DLGAP2: variants seen among roughly 807,000 people sequenced by gnomAD.
The protein encoded by DLGAP2 is disks large-associated protein 2.
Under a neutral mutation model 100.3 loss-of-function variants are expected in DLGAP2, and 26 were observed. The observed-to-expected ratio is 0.26, with a 90% confidence interval of 0.19 to 0.36. The LOEUF (loss-of-function observed/expected upper bound fraction) is 0.36, where lower values mean the gene tolerates loss of function less well. DLGAP2 is among the 10% of genes least tolerant of loss of function. The pLI, the probability that DLGAP2 is intolerant of heterozygous loss-of-function variation, is 1.00. For missense variants in DLGAP2, 1,858 were observed against 1,453.2 expected (o/e 1.28, Z -4.53); for synonymous variants, 886 against 630.1 (o/e 1.41, Z -6.08).
At chr8:1,489,736 G>C (rs1584949827) in intron 3 of DLGAP2, among the ~76,000 whole-genome samples, 1 of 152,180 alleles carries the variant, frequency 6.6e-6, no homozygotes, top group Admixed American at 6.5e-5. Context: ...AGCAAACTCA[G>C]ATCACAAACC....
chr8:1,111,109 G>A lies in DLGAP2; in HGVS notation c.74-147742G>A, dbSNP rs145514694. Among the ~76,000 whole-genome samples the A allele has an allele frequency of 5.2e-3, 791 of 152,272 alleles. 8 individuals carry two copies. The highest frequency in any genetic ancestry group is 0.017 in the African/African-American group (706 of 41,530). On this transcript the variant is annotated intron_variant, in intron 2 of 14. Coordinates refer to ENST00000637795, the MANE Select transcript of DLGAP2 (RefSeq NM_001346810.2). ...CTGCTTTCTGCCCGGGCCTTCCTCC[G>A]CCTTACCAAGCCCAGAACATCACTG...
intron 2 of DLGAP2, among the ~76,000 whole-genome samples, chr8:1,179,109 C>T (rs180922068): frequency 1.3e-5 from 2 of 152,296 alleles, no homozygotes; most frequent in Admixed American, 6.5e-5. Context: ...CTTTTCTACA[C>T]CTGTTTACGA....
chr8:873,243 A>G lies in DLGAP2; in HGVS notation c.19-34669A>G, dbSNP rs141079442. Among the ~76,000 whole-genome samples, 1,179 of 152,344 alleles carry G rather than the reference A, an allele frequency of 7.7e-3. 18 individuals carry two copies. The highest frequency in any genetic ancestry group is 0.015 in the African/African-American group (623 of 41,580). On this transcript the variant is annotated intron_variant, in intron 1 of 14. Transcript: ENST00000637795. ...TCTAATAATTTTTAGTGAATGTTTT[A>G]GATTTTTTTGTATATGATATCATGC...
chr8:1,633,585 C>T (rs182570179), intron 8 of DLGAP2, among the ~76,000 whole-genome samples: 19 of 152,310 alleles, frequency 1.2e-4, no homozygotes, highest in African/African-American at 4.3e-4. Flanking sequence ...ACCATACCCA[C>T]CCCTTTGAAA....
chr8:1,124,250 A>G (rs1429517985), intron 2 of DLGAP2, among the ~76,000 whole-genome samples: 1 of 152,232 alleles, frequency 6.6e-6, no homozygotes, highest in South Asian at 2.1e-4. Context: ...GGAGAGGACC[A>G]TGGGCTAAGG....
At chr8:1,099,447 T>G (rs915269746) in intron 2 of DLGAP2, among the ~76,000 whole-genome samples, 18 of 152,248 alleles carry the variant, frequency 1.2e-4, no homozygotes, top group African/African-American at 4.1e-4. Context: ...AGGGCCGTAC[T>G]GGGGCTACGT....
intron 2 of DLGAP2, among the ~76,000 whole-genome samples, chr8:1,148,288 T>C (rs1204505681): frequency 6.6e-6 from 1 of 152,184 alleles, no homozygotes; most frequent in Non-Finnish European, 1.5e-5. Flanking sequence ...CTCATGTCTT[T>C]AGGATCTGTG....
intron 2 of DLGAP2, among the ~76,000 whole-genome samples, chr8:1,232,969 C>G (rs554438306): frequency 6.6e-6 from 1 of 152,336 alleles, no homozygotes; most frequent in African/African-American, 2.4e-5. Flanking sequence ...AGTCCCCAGT[C>G]TACTTCCTGT....
At chr8:1,256,497 C>CTCA (rs1479740253) in intron 2 of DLGAP2, among the ~76,000 whole-genome samples, 1,413 of 131,646 alleles carry the variant, frequency 0.011, 20 homozygotes, top group African/African-American at 0.033. Flanking sequence ...TGTGTGTCCT[C>CTCA]TCCTGCCTGG....
intron 1 of DLGAP2, among the ~76,000 whole-genome samples, chr8:906,922 G>C (rs1165105542): frequency 6.6e-6 from 1 of 152,214 alleles, no homozygotes; most frequent in African/African-American, 2.4e-5. Flanking sequence ...ATATTTGGGA[G>C]AGAATTGTTC....
rs139526780 is a variant in DLGAP2, at chr8:800,374, G to C, written c.18+62549G>C. On this transcript the variant is annotated intron_variant, in intron 1 of 14. Coordinates refer to ENST00000637795, the MANE Select transcript of DLGAP2 (RefSeq NM_001346810.2). ...TGGTGTTGCCTGCAAAGGAGAATCA[G>C]CTAGATGTGGGCTGTTTGCACAATG... is the stretch of plus-strand genomic sequence containing the variant. Among the ~76,000 whole-genome samples the C allele has an allele frequency of 3.4e-3, 518 of 152,368 alleles. 3 individuals carry two copies. Among genetic ancestry groups the C allele is most frequent in the African/African-American group, 0.012 (488 of 41,600 alleles).
intron 3 of DLGAP2, among the ~76,000 whole-genome samples, chr8:1,490,004 G>A (rs972389094): frequency 3.9e-5 from 6 of 152,048 alleles, no homozygotes; most frequent in African/African-American, 1.2e-4. Context: ...CAGTTCTCCT[G>A]CCTCAGCCTC....
chr8:756,024 C>T (rs547347116), intron 1 of DLGAP2, among the ~76,000 whole-genome samples: 3 of 152,338 alleles, frequency 2.0e-5, no homozygotes, highest in South Asian at 4.1e-4. Context: ...TAGGTTATAA[C>T]CGGTATTTGG....
At position 1,082,687 on chromosome 8, in the gene DLGAP2, G is replaced by T. The variant is rs558640628; in HGVS notation, c.73+174721G>T. Among the ~76,000 whole-genome samples the T allele has an allele frequency of 1.8e-4, 27 of 152,238 alleles. No individual in the cohort carries two copies. The Middle Eastern group carries it at 0.01, about 58-fold the overall frequency. On this transcript the variant is annotated intron_variant, in intron 2 of 14. Transcript: ENST00000637795. Reference sequence around the variant, plus strand: ...ATTTGAGGACTGCTGGGAGATCAGAGGTATTCATCACACAGGAAGAGGGTG... The same window carrying T: ...ATTTGAGGACTGCTGGGAGATCAGATGTATTCATCACACAGGAAGAGGGTG...
chr8:955,428 C>G (rs1289596229), intron 2 of DLGAP2, among the ~76,000 whole-genome samples: 1 of 152,146 alleles, frequency 6.6e-6, no homozygotes, highest in Non-Finnish European at 1.5e-5. Context: ...CTCCTCCCCA[C>G]TGCTGCCTGC....
At chr8:1,545,049 C>T (rs141441886) in intron 4 of DLGAP2, among the ~76,000 whole-genome samples, 1 of 152,190 alleles carries the variant, frequency 6.6e-6, no homozygotes, top group East Asian at 1.9e-4. Context: ...AGGCTTTTTG[C>T]ATCTCTATTT....
chr8:1,049,718 T>C lies in DLGAP2; in HGVS notation c.73+141752T>C, dbSNP rs1194521108. Among the ~76,000 whole-genome samples the C allele has an allele frequency of 3.3e-5, 5 of 151,400 alleles. No homozygotes were observed. In the East Asian group the frequency reaches 7.7e-4, roughly 23 times the overall value. On this transcript the variant is annotated intron_variant, in intron 2 of 14. Coordinates refer to ENST00000637795, the MANE Select transcript of DLGAP2 (RefSeq NM_001346810.2). ...GCGTGGATACAGACACAGGCACATA[T>C]GAATGGAGGCACAGACATACATGAA... is the stretch of plus-strand genomic sequence containing the variant.
intron 1 of DLGAP2, 96 bp downstream of exon 1, chr8:737,921 C>A (rs1820360827): frequency 2.8e-6 from 1 of 359,498 alleles, no homozygotes; most frequent in Non-Finnish European, 5.0e-6. Context: ...GGGGACGCCC[C>A]GAGGGCGTCA....
chr8:745,270 C>G (rs1346374796), intron 1 of DLGAP2, among the ~76,000 whole-genome samples: 1 of 152,126 alleles, frequency 6.6e-6, no homozygotes, highest in Non-Finnish European at 1.5e-5. Context: ...TCTGGCTATA[C>G]TATATATAAT....
Sources: allele counts gnomAD v4.1 joint callset (sites outside exome capture counted in the v4.1 genomes callset), GRCh38; gene constraint gnomAD v4.1.1; transcripts MANE v1.5; gene names NCBI Gene and HGNC (gene_info 2026-07-23, HGNC 2026-07-21).